Variants in PICALM observed in about 807,000 individuals in gnomAD.
PICALM encodes phosphatidylinositol-binding clathrin assembly protein.
In PICALM, 40 loss-of-function variants were observed where a neutral mutation model predicts 80.5. The observed-to-expected ratio is 0.50, with a 90% CI of 0.39 to 0.65. PICALM has a LOEUF of 0.65. Among genes scored for constraint, PICALM ranks in the 30% least tolerant of loss-of-function variants. The probability of loss-of-function intolerance (pLI) is 0.00; values close to 1 mark genes in which losing one functional copy is unlikely to be tolerated. For synonymous variants in PICALM, 288 were observed against 260.3 expected (o/e 1.11, Z -1.02); for missense variants, 676 against 778.9 (o/e 0.87, Z 1.57).
At chr11:86,023,698 A>G in intron 3 of PICALM, among the ~76,000 whole-genome samples, 1 of 152,254 alleles carries the variant, frequency 6.6e-6, no homozygotes, top group East Asian at 1.9e-4. Context: ...CTTGTTTTCC[A>G]TAGACTTTTA....
intron 12 of PICALM, among the ~76,000 whole-genome samples, chr11:85,991,825 T>C (rs1235147352): frequency 6.6e-6 from 1 of 152,164 alleles, no homozygotes; most frequent in Non-Finnish European, 1.5e-5. Flanking sequence ...GTTAAATAGT[T>C]ACAAGAAGTT....
At chr11:86,045,455 T>C (rs967349012) in intron 1 of PICALM, among the ~76,000 whole-genome samples, 1 of 132,382 alleles carries the variant, frequency 7.6e-6, no homozygotes, top group Non-Finnish European at 1.5e-5. Context: ...TATGCAATGA[T>C]GACAACTGTG....
At chr11:86,065,407 C>T (rs1230986583) in intron 1 of PICALM, among the ~76,000 whole-genome samples, 1 of 151,658 alleles carries the variant, frequency 6.6e-6, no homozygotes, top group Non-Finnish European at 1.5e-5. Context: ...CGCACCACTG[C>T]ACTCCAGCCT....
chr11:85,997,252 T>G (rs2094997009), intron 11 of PICALM, among the ~76,000 whole-genome samples: 1 of 152,188 alleles, frequency 6.6e-6, no homozygotes, highest in Non-Finnish European at 1.5e-5. Context: ...ATACAAAATA[T>G]CACAGCAATT....
At chr11:85,998,418 A>T (rs2095045058) in intron 11 of PICALM, among the ~76,000 whole-genome samples, 1 of 151,746 alleles carries the variant, frequency 6.6e-6, no homozygotes, top group African/African-American at 2.4e-5. Context: ...GCCGACTTCT[A>T]TGTGATTTTA....
intron 1 of PICALM, among the ~76,000 whole-genome samples, chr11:86,062,531 A>AC (rs2096384807): frequency 6.6e-6 from 1 of 151,908 alleles, no homozygotes; most frequent in South Asian, 2.1e-4. Flanking sequence ...AAAAAAAAAA[A>AC]CCCTAATGTA....
intron 19 of PICALM, among the ~76,000 whole-genome samples, chr11:85,971,486 A>G (rs1157753388): frequency 1.3e-5 from 2 of 151,700 alleles, no homozygotes; most frequent in Non-Finnish European, 2.9e-5. Flanking sequence ...CTGTAATCCC[A>G]GCACTTTGGG....
chr11:86,045,403 G>A (rs373296164), intron 1 of PICALM, among the ~76,000 whole-genome samples: 2 of 151,404 alleles, frequency 1.3e-5, no homozygotes, highest in African/African-American at 4.9e-5. Context: ...TCAGGAGGTT[G>A]AGGTGGGTGG....
intron 1 of PICALM, among the ~76,000 whole-genome samples, chr11:86,064,099 G>A (rs2096409553): frequency 6.6e-6 from 1 of 152,190 alleles, no homozygotes; most frequent in African/African-American, 2.4e-5. Flanking sequence ...AGTCTGGTAT[G>A]TTATACGCAT....
At chr11:86,011,556 G>C (rs779430668) in intron 6 of PICALM, among the ~76,000 whole-genome samples, 5 of 152,042 alleles carry the variant, frequency 3.3e-5, no homozygotes, top group African/African-American at 4.8e-5. Context: ...ACATAGAAAA[G>C]GTTAATTTAT....
Position 86,068,785 on chromosome 11 carries a change from G to A in PICALM, c.-5C>T. The A allele has an allele frequency of 6.2e-7, 1 of 1,603,486 alleles. No homozygotes were observed. Among genetic ancestry groups the A allele is most frequent in the Non-Finnish European group, 8.5e-7 (1 of 1,177,478 alleles). On this transcript the variant is annotated 5_prime_UTR_variant, in exon 1 of 20. Coordinates refer to ENST00000393346, the MANE Select transcript of PICALM (RefSeq NM_007166.4). ...CGTCAGGCTCTGGCCGGACATCTCT[G>A]CAGCTCCTCCACCACCCCACCCGCT...
rs2095657178 is a variant in PICALM, at chr11:86,026,897, GT to G, written c.274-531del. Among the ~76,000 whole-genome samples the G allele has an allele frequency of 2.0e-5, 3 of 152,260 alleles. No individual in the cohort carries two copies. In the South Asian group the frequency reaches 6.2e-4, roughly 32 times the overall value. ...ATCTCCCTTCCCTCCCTCTTCAGAG[GT>G]GAGTACTTTTCTGAAACAGGTATAC... is the stretch of plus-strand genomic sequence containing the variant. On this transcript the variant is annotated intron_variant, in intron 2 of 19. Coordinates refer to ENST00000393346, the MANE Select transcript of PICALM (RefSeq NM_007166.4).
intron 1 of PICALM, among the ~76,000 whole-genome samples, chr11:86,033,004 T>C (rs1297433781): frequency 6.6e-6 from 1 of 151,918 alleles, no homozygotes; most frequent in Non-Finnish European, 1.5e-5. Flanking sequence ...CAAAACAGAG[T>C]GCCCATGGAA....
At chr11:86,025,557 CTTTT>C (rs1250408757) in intron 3 of PICALM, among the ~76,000 whole-genome samples, 2 of 151,614 alleles carry the variant, frequency 1.3e-5, no homozygotes, top group Admixed American at 6.6e-5. Context: ...CATAGCATTT[CTTTT>C]TTTGTTTGTT....
intron 1 of PICALM, among the ~76,000 whole-genome samples, chr11:86,043,724 G>C (rs1390717053): frequency 1.3e-5 from 2 of 152,196 alleles, no homozygotes; most frequent in Non-Finnish European, 2.9e-5. Context: ...GGAGACAGAA[G>C]TAAGGGTAAC....
chr11:86,063,595 G>C (rs2096401154), intron 1 of PICALM, among the ~76,000 whole-genome samples: 1 of 152,098 alleles, frequency 6.6e-6, no homozygotes, highest in African/African-American at 2.4e-5. Flanking sequence ...GGATACATTT[G>C]TGAATTTTAT....
chr11:85,959,526 G>A (rs974115057), intron 19 of PICALM, among the ~76,000 whole-genome samples: 2 of 151,102 alleles, frequency 1.3e-5, no homozygotes, highest in African/African-American at 2.4e-5. Context: ...CTAGCTACTC[G>A]GGAGGCTGAG....
At chr11:85,988,890 A>G (rs2094672182) in intron 13 of PICALM, among the ~76,000 whole-genome samples, 1 of 152,246 alleles carries the variant, frequency 6.6e-6, no homozygotes, top group South Asian at 2.1e-4. Context: ...GAAAAGAAAT[A>G]TTAGGCAGTT....
intron 13 of PICALM, among the ~76,000 whole-genome samples, chr11:85,985,759 T>C (rs1445052519): frequency 6.6e-6 from 1 of 152,226 alleles, no homozygotes; most frequent in African/African-American, 2.4e-5. Flanking sequence ...GTGTAAGTAG[T>C]ACAAACAATG....
Sources: gnomAD v4.1 joint callset for allele counts (sites outside exome capture counted in the v4.1 genomes callset) on GRCh38, gnomAD v4.1.1 for gene constraint, MANE v1.5 for transcripts, NCBI Gene and HGNC (gene_info 2026-07-23, HGNC 2026-07-21) for gene names.